Variants in BCAS2 observed in about 807,000 individuals in gnomAD.
BCAS2 encodes BCAS2 pre-mRNA processing factor, also known as pre-mRNA-splicing factor SPF27.
BCAS2 carries 34 observed loss-of-function variants against 35.3 expected under a neutral mutation model. The observed-to-expected ratio is 0.96, with a 90% CI of 0.73 to 1.28. BCAS2 has a LOEUF of 1.28. BCAS2 is among the 50% of genes most tolerant of loss of function. BCAS2 has a pLI of 0.00. For synonymous variants in BCAS2, 75 were observed against 91.6 expected (o/e 0.82, Z 1.03); for missense variants, 221 against 268.1 (o/e 0.82, Z 1.23).
intron 4 of BCAS2, among the ~76,000 whole-genome samples, chr1:114,573,894 A>T (rs2101628094): frequency 6.6e-6 from 1 of 152,312 alleles, no homozygotes; most frequent in East Asian, 1.9e-4. Context: ...GAGAAACAGT[A>T]TTATCATTTC....
chr1:114,579,831 A>AC (rs1320185136), intron 2 of BCAS2, among the ~76,000 whole-genome samples: 2 of 152,198 alleles, frequency 1.3e-5, no homozygotes, highest in Non-Finnish European at 2.9e-5. Context: ...GCACCACTGC[A>AC]CTCCAGCCTG....
Position 114,581,328 on chromosome 1 carries a change from G to T in BCAS2, c.157C>A (p.Leu53Met), listed in dbSNP as rs1379838972. The part of the protein sequence containing the change: ...YRPTKNYLSY[L>M]TAPDYSAFET... The stretch of plus-strand genomic sequence containing the variant: ...AAGGCAGAATAATCCGGGGCTGTCA[G>T]GTAGCTCAGGTAGTTCTTAGTAGGT... Residue 53 changes from leucine to methionine, a missense_variant, in exon 2 of 7, where the codon CTG (leucine) becomes ATG (methionine). Physicochemically the swap from Leu to Met is conservative, Grantham distance 15. Transcript: ENST00000369541. 6.2e-7 allele frequency: 1 copy of T among 1,614,176 alleles called. No homozygotes were observed. The highest frequency in any genetic ancestry group is 2.2e-5 in the East Asian group (1 of 44,886).
At chr1:114,575,012 G>A (rs1026537744) in intron 4 of BCAS2, among the ~76,000 whole-genome samples, 1 of 150,838 alleles carries the variant, frequency 6.6e-6, no homozygotes, top group African/African-American at 2.4e-5. Flanking sequence ...TGTGACTACA[G>A]AAGCGCCACC....
chr1:114,570,339 T>A (rs1406023825), intron 5 of BCAS2, among the ~76,000 whole-genome samples: 1 of 152,134 alleles, frequency 6.6e-6, no homozygotes, highest in African/African-American at 2.4e-5. Flanking sequence ...CATGTCTCCT[T>A]TTTCCTGATA....
Position 114,570,566 on chromosome 1 carries a change from G to A in BCAS2, c.470+134C>T, listed in dbSNP as rs907024164. 9 of 676,410 alleles carry A rather than the reference G, an allele frequency of 1.3e-5. No homozygotes were observed. In the African/African-American group the frequency reaches 1.6e-4, roughly 12 times the overall value. The allele number at this position is 676,410 out of a possible 1,614,324, so 41.9% of individuals were successfully genotyped here. ...CTTAGGTAGGGCAAACCCAGTGTCAGATGTTGAACAAAGAGAGTGGATCAA... is the reference window on the plus strand; with the variant it reads ...CTTAGGTAGGGCAAACCCAGTGTCAAATGTTGAACAAAGAGAGTGGATCAA... On this transcript the variant is annotated intron_variant, in intron 5 of 6. Coordinates refer to ENST00000369541, the MANE Select transcript of BCAS2 (RefSeq NM_005872.3).
intron 4 of BCAS2, among the ~76,000 whole-genome samples, chr1:114,571,936 C>G (rs970682777): frequency 2.0e-5 from 3 of 152,052 alleles, no homozygotes; most frequent in African/African-American, 7.2e-5. Flanking sequence ...GGGAAAAGTT[C>G]AATAATACAG....
At chr1:114,573,751 T>C (rs1160874037) in intron 4 of BCAS2, among the ~76,000 whole-genome samples, 2 of 152,154 alleles carry the variant, frequency 1.3e-5, no homozygotes, top group African/African-American at 2.4e-5. Flanking sequence ...TTCTTCTTTT[T>C]CCCCCCTTGC....
At chr1:114,577,111 G>A (rs1230430318) in intron 2 of BCAS2, among the ~76,000 whole-genome samples, 1 of 152,216 alleles carries the variant, frequency 6.6e-6, no homozygotes, top group Non-Finnish European at 1.5e-5. Context: ...CAATGTAATA[G>A]TATTAAGAGG....
intron 4 of BCAS2, among the ~76,000 whole-genome samples, chr1:114,571,182 G>A (rs984935597): frequency 1.3e-5 from 2 of 151,992 alleles, no homozygotes; most frequent in Non-Finnish European, 2.9e-5. Context: ...AGCCTCCCAA[G>A]TAGCTGGGAT....
Position 114,576,733 on chromosome 1 carries a change from T to C in BCAS2, c.212A>G (p.Glu71Gly). ...AATTGGTTGTCGAGCAGCCAGTCTTTCAAATTCATTTCTCATTATGTCAGT... is the reference window on the plus strand; with the variant it reads ...AATTGGTTGTCGAGCAGCCAGTCTTCCAAATTCATTTCTCATTATGTCAGT... ...FETDIMRNEF[E>G]RLAARQPIEL... The change falls in exon 3 of 7, where the codon GAA becomes GGA. Residue 71 changes from glutamate (E) to glycine (G), a missense_variant. Physicochemically the swap from Glu to Gly is moderately conservative, Grantham distance 98. Coordinates refer to ENST00000369541, the MANE Select transcript of BCAS2 (RefSeq NM_005872.3). The C allele has an allele frequency of 6.2e-7, 1 of 1,610,926 alleles. No homozygotes were observed. Among genetic ancestry groups the C allele is most frequent in the Non-Finnish European group, 8.5e-7 (1 of 1,179,136 alleles).
intron 4 of BCAS2, among the ~76,000 whole-genome samples, chr1:114,573,938 A>G (rs1654702505): frequency 6.6e-6 from 1 of 152,228 alleles, no homozygotes; most frequent in Non-Finnish European, 1.5e-5. Flanking sequence ...GCTATGTTTC[A>G]GGAAACATAC....
chr1:114,576,917 C>T (rs1570740491), intron 2 of BCAS2, among the ~76,000 whole-genome samples, 159 bp from the exon 3 acceptor site: 1 of 152,046 alleles, frequency 6.6e-6, no homozygotes, highest in Non-Finnish European at 1.5e-5. Flanking sequence ...ATCTGAAGCA[C>T]ACACACACAC....
chr1:114,579,641 G>A lies in BCAS2; in HGVS notation c.186+1658C>T, dbSNP rs547110432. 3.3e-5 allele frequency among the ~76,000 whole-genome samples: 5 copies of A among 152,320 alleles called. No homozygotes were observed. The South Asian group carries it at 1.0e-3, about 32-fold the overall frequency. ...AACACTTTGGGAGGCTGAGGTGGGT[G>A]GATCACTTGAGGCCAGGAGTTCAAG... On this transcript the variant is annotated intron_variant, in intron 2 of 6. Transcript: ENST00000369541.
intron 2 of BCAS2, among the ~76,000 whole-genome samples, chr1:114,580,130 G>A (rs1449500000): frequency 6.6e-6 from 1 of 151,946 alleles, no homozygotes; most frequent in African/African-American, 2.4e-5. Flanking sequence ...TAGAGAAAGG[G>A]TCTCACTATG....
intron 4 of BCAS2, among the ~76,000 whole-genome samples, chr1:114,574,653 A>C (rs780304072): frequency 1.6e-4 from 24 of 152,198 alleles, no homozygotes; most frequent in Non-Finnish European, 3.2e-4. Flanking sequence ...ACATTCTATC[A>C]AGTGGTGCTC....
At chr1:114,568,485 G>A (rs1169478016) in intron 6 of BCAS2, among the ~76,000 whole-genome samples, 3 of 151,488 alleles carry the variant, frequency 2.0e-5, no homozygotes, top group Non-Finnish European at 4.4e-5. Context: ...TCCTGACTCA[G>A]CCTCCCGAGT....
intron 4 of BCAS2, among the ~76,000 whole-genome samples, chr1:114,571,853 CA>C (rs1243913154): frequency 7.2e-5 from 11 of 152,144 alleles, no homozygotes; most frequent in Admixed American, 7.2e-4. Flanking sequence ...GATATCAGTC[CA>C]TATTTGCATG....
intron 2 of BCAS2, among the ~76,000 whole-genome samples, chr1:114,577,626 C>A (rs1214593162): frequency 6.6e-6 from 1 of 152,152 alleles, no homozygotes; most frequent in Non-Finnish European, 1.5e-5. Flanking sequence ...CTCAGCCTCC[C>A]AAAGTGTCTT....
intron 2 of BCAS2, 41 bp downstream of exon 2, chr1:114,581,258 A>G: frequency 6.3e-7 from 1 of 1,596,946 alleles, no homozygotes; most frequent in African/African-American, 1.3e-5. Context: ...ATAAAGGTTC[A>G]CAGGAATTCT....
Sources: gnomAD v4.1 joint callset for allele counts (sites outside exome capture counted in the v4.1 genomes callset) on GRCh38, gnomAD v4.1.1 for gene constraint, MANE v1.5 for transcripts, NCBI Gene and HGNC (gene_info 2026-07-23, HGNC 2026-07-21) for gene names.